CHRNA5: variants seen among roughly 807,000 people sequenced by gnomAD.
CHRNA5 encodes the protein neuronal acetylcholine receptor subunit alpha-5.
In CHRNA5, 28 loss-of-function variants were observed where a neutral mutation model predicts 41.2. The observed-to-expected ratio is 0.68, with a 90% CI of 0.50 to 0.93. The LOEUF is 0.93. Among genes scored for constraint, CHRNA5 ranks in the 40% least tolerant of loss-of-function variants. The pLI is 0.00. For synonymous variants in CHRNA5, 188 were observed against 205.8 expected, an observed-to-expected ratio of 0.91 and a Z score of 0.74; for missense variants, 481 against 581.9, an observed-to-expected ratio of 0.83 and a Z score of 1.78.
chr15:78,567,843 TACTG>T (rs935594284), intron 1 of CHRNA5, among the ~76,000 whole-genome samples: 4 of 152,218 alleles, frequency 2.6e-5, no homozygotes, highest in Non-Finnish European at 5.9e-5. Flanking sequence ...AACAAAGTGA[TACTG>T]AATGGATGAT....
At chr15:78,579,808 C>T (rs1237969421) in intron 1 of CHRNA5, among the ~76,000 whole-genome samples, 1 of 152,148 alleles carries the variant, frequency 6.6e-6, no homozygotes, top group Non-Finnish European at 1.5e-5. Flanking sequence ...AGGCTCAACC[C>T]TTCTTGCTGC....
At chr15:78,568,958 C>A (rs1206168550) in intron 1 of CHRNA5, among the ~76,000 whole-genome samples, 1 of 152,016 alleles carries the variant, frequency 6.6e-6, no homozygotes, top group East Asian at 1.9e-4. Flanking sequence ...TTCTTCTCAT[C>A]TTTAGTCATT....
At position 78,585,957 on chromosome 15, in the gene CHRNA5, T is replaced by C. The variant is rs1460100927; in HGVS notation, c.259-688T>C. 3.5e-4 allele frequency among the ~76,000 whole-genome samples: 31 copies of C among 88,376 alleles called. No homozygotes were observed. In the Admixed American group the frequency reaches 4.6e-3, roughly 13 times the overall value. The allele number at this position is 88,376 out of a possible 152,430, so 58.0% of individuals were successfully genotyped here. On this transcript the variant is annotated intron_variant, in intron 2 of 5. Coordinates refer to ENST00000299565, the Ensembl canonical transcript of CHRNA5. ...GTGCCACCATGCCTGGCTAATTTTT[T>C]GTATTTTTTTTTTTTAAGTGGAGAT...
chr15:78,583,881 G>GA, intron 2 of CHRNA5, among the ~76,000 whole-genome samples: 1 of 152,148 alleles, frequency 6.6e-6, no homozygotes, highest in Non-Finnish European at 1.5e-5. Flanking sequence ...GCCTGGAGGA[G>GA]ACTGTTGAAA....
In CHRNA5 at chr15:78,570,424, A is replaced by ATTTTTTTTTTTTTTTTTTTTTTT. The variant is rs71148540; in HGVS notation, c.106+4602_106+4624dup. Among the ~76,000 whole-genome samples the ATTTTTTTTTTTTTTTTTTTTTTT allele has an allele frequency of 2.0e-4, 13 of 64,170 alleles. 2 individuals are homozygous for ATTTTTTTTTTTTTTTTTTTTTTT. In the East Asian group the frequency reaches 6.4e-3, roughly 32 times the overall value. The allele number at this position is 64,170 out of a possible 152,430, so 42.1% of individuals were successfully genotyped here. On this transcript the variant is annotated intron_variant, in intron 1 of 5. Coordinates refer to ENST00000299565, the Ensembl canonical transcript of CHRNA5. ...CAGGCATGTGCCACCAATCCCGGCT[A>ATTTTTTTTTTTTTTTTTTTTTTT]TTTTTTTTTTTTTTTTTTTTTTTTT... is the stretch of plus-strand genomic sequence containing the variant.
chr15:78,589,218 A>T (rs2052987778), intron 4 of CHRNA5: 1 of 152,230 alleles, frequency 6.6e-6, no homozygotes, highest in African/African-American at 2.4e-5. Flanking sequence ...AAGCCACATG[A>T]ATTTGAAGAC....
intron 5 of CHRNA5, 85 bp downstream of exon 5, chr15:78,590,721 C>CA (rs1187654919): frequency 3.6e-6 from 4 of 1,105,282 alleles, no homozygotes; most frequent in Non-Finnish European, 5.2e-6. Context: ...GAGTAAACAG[C>CA]ATGACCCTTA....
intron 2 of CHRNA5, among the ~76,000 whole-genome samples, chr15:78,584,753 C>G (rs531007007): frequency 6.6e-6 from 1 of 152,242 alleles, no homozygotes; most frequent in South Asian, 2.1e-4. Flanking sequence ...CCAGAACTTT[C>G]CTAATTATAA....
intron 5 of CHRNA5, among the ~76,000 whole-genome samples, chr15:78,591,483 CTA>C (rs962304690): frequency 3.3e-5 from 5 of 151,450 alleles, no homozygotes; most frequent in African/African-American, 9.7e-5. Flanking sequence ...TATTTTAAAC[CTA>C]TGACTATAGT....
chr15:78,593,280 TTTAG>T (rs1218776031), exon 6 of CHRNA5: 3 of 1,573,676 alleles, frequency 1.9e-6, no homozygotes, highest in Non-Finnish European at 2.6e-6. Flanking sequence ...GAAGTATACA[TTTAG>T]TTAACACACA....
chr15:78,575,121 G>C (rs935749383), intron 1 of CHRNA5, among the ~76,000 whole-genome samples: 11 of 151,984 alleles, frequency 7.2e-5, no homozygotes, highest in Non-Finnish European at 1.5e-4. Context: ...AAGGAGCAAG[G>C]TTACATTTCT....
chr15:78,582,240 C>G (rs1479153672), intron 2 of CHRNA5, among the ~76,000 whole-genome samples: 1 of 152,082 alleles, frequency 6.6e-6, no homozygotes, highest in Admixed American at 6.5e-5. Context: ...TATCCCAGCA[C>G]TTTGGGAGGC....
At chr15:78,566,898 T>G (rs1231397215) in intron 1 of CHRNA5, among the ~76,000 whole-genome samples, 1 of 152,194 alleles carries the variant, frequency 6.6e-6, no homozygotes, top group African/African-American at 2.4e-5. Flanking sequence ...CAAACCTGTA[T>G]TCAAATTATG....
At chr15:78,580,939 G>A (rs749900040) in exon 2 of CHRNA5, 4 of 1,613,798 alleles carry the variant, frequency 2.5e-6, no homozygotes, top group Non-Finnish European at 3.4e-6. Flanking sequence ...ATTTGGACTT[G>A]CAATATCTCA....
At chr15:78,581,007 T>G in intron 2 of CHRNA5, 45 bp downstream of exon 2, 1 of 1,584,178 alleles carries the variant, frequency 6.3e-7, no homozygotes, top group Non-Finnish European at 8.6e-7. Context: ...ACAGATTTAG[T>G]GAGAGCCTGG....
intron 5 of CHRNA5, chr15:78,591,425 A>G (rs1358865387): frequency 2.0e-5 from 3 of 151,322 alleles, no homozygotes; most frequent in African/African-American, 7.3e-5. Flanking sequence ...TGTGGAATTT[A>G]TAAGTATAAA....
chr15:78,592,804 TTG>T (rs1343550070), intron 5 of CHRNA5, among the ~76,000 whole-genome samples: 19 of 152,202 alleles, frequency 1.2e-4, no homozygotes, highest in African/African-American at 3.4e-4. Context: ...TTTTAGTTTA[TTG>T]TAAAATATCC....
chr15:78,588,363 TA>T lies in CHRNA5; in HGVS notation c.357del (p.Val120LeufsTer53). 2 of 1,594,100 alleles carry T rather than the reference TA, an allele frequency of 1.3e-6. No homozygotes were observed. Among genetic ancestry groups the T allele is most frequent in the Non-Finnish European group, 1.7e-6 (2 of 1,167,974 alleles). On this transcript the variant is annotated frameshift_variant, in exon 4 of 6. Transcript: ENST00000299565. LOFTEE classifies it high-confidence loss of function. This position sits in a 1 kb window ranked among gnomAD's most constrained non-coding sequence, Gnocchi z 4.1. ...TGGAACCCTGATGACTATGGTGGAA[TA>T]AAAGTTATACGTGTTCCTTCAGACT...
chr15:78,580,500 A>C (rs1261146798), intron 1 of CHRNA5, among the ~76,000 whole-genome samples: 4 of 152,084 alleles, frequency 2.6e-5, no homozygotes, highest in African/African-American at 9.7e-5. Context: ...TCCAATAGTC[A>C]GTCTGATTTA....
Sources: gnomAD v4.1 joint callset for allele counts (sites outside exome capture counted in the v4.1 genomes callset) on GRCh38, gnomAD v4.1.1 for gene constraint, Gnocchi (gnomAD v3.1) non-coding constraint, MANE v1.5 for transcripts, NCBI Gene and HGNC (gene_info 2026-07-23, HGNC 2026-07-21) for gene names.